Variants in AGRN observed in about 807,000 individuals in gnomAD.
AGRN encodes agrin proteoglycan.
Under a neutral mutation model 211.0 loss-of-function variants are expected in AGRN, and 106 were observed. The ratio of observed to expected loss-of-function variants is 0.50; its 90% CI spans 0.43 to 0.59. The LOEUF is 0.59. Among genes scored for constraint, AGRN ranks in the 20% least tolerant of loss-of-function variants. The pLI is 0.00. For missense variants in AGRN, 3,040 were observed against 2,982.6 expected, an observed-to-expected ratio of 1.02 and a Z score of -0.45; for synonymous variants, 1,525 against 1,332.5, an observed-to-expected ratio of 1.14 and a Z score of -3.15.
intron 2 of AGRN, among the ~76,000 whole-genome samples, chr1:1,028,522 C>T (rs1235244288): frequency 7.0e-6 from 1 of 142,586 alleles, no homozygotes; most frequent in Non-Finnish European, 1.6e-5. Flanking sequence ...GAACCGAGCC[C>T]CAGCCCCTCA....
At chr1:1,038,806 C>T (rs1400782424) in intron 3 of AGRN, among the ~76,000 whole-genome samples, 1 of 152,172 alleles carries the variant, frequency 6.6e-6, no homozygotes, top group Non-Finnish European at 1.5e-5. Context: ...ACTGGGAGTC[C>T]CAGGGCCTTG....
chr1:1,045,282 G>A lies in AGRN; in HGVS notation c.2371+5G>A. 6.2e-7 allele frequency: 1 copy of A among 1,611,866 alleles called. No homozygotes were observed. Among genetic ancestry groups the A allele is most frequent in the Non-Finnish European group, 8.5e-7 (1 of 1,179,578 alleles). On this transcript the variant is annotated splice_donor_5th_base_variant and intron_variant, in intron 13 of 35. Coordinates refer to ENST00000379370, the MANE Select transcript of AGRN (RefSeq NM_198576.4). ...TGGGCCTGGCTGGCTGCCCCAGTGA[G>A]TACCTGAGCTCAGCCCCGACCCCGG...
In AGRN at chr1:1,041,773, G is replaced by T. The variant is rs1435024596; in HGVS notation, c.1177+71G>T. The stretch of plus-strand genomic sequence containing the variant: ...AGGTGGGCGGCTCCCCCGGGGGAGG[G>T]CTCCGGCCAGTGCCAGGGTCGAGGT... On this transcript the variant is annotated intron_variant, in intron 6 of 35. Coordinates refer to ENST00000379370, the MANE Select transcript of AGRN (RefSeq NM_198576.4). 1.2e-3 allele frequency: 1,521 copies of T among 1,290,678 alleles called. 28 individuals are homozygous for T. The African/African-American group carries it at 0.019, about 16-fold the overall frequency. The allele number at this position is 1,290,678 out of a possible 1,614,324, so 80.0% of individuals were successfully genotyped here. A position where few individuals can be genotyped will look rare whatever the true frequency, so the allele number is the denominator to read the frequency against.
Position 1,045,290 on chromosome 1 carries a change from G to A in AGRN, c.2371+13G>A, listed in dbSNP as rs751961924. 11 of 1,611,810 alleles carry A rather than the reference G, an allele frequency of 6.8e-6. No individual in the cohort carries two copies. Among genetic ancestry groups the A allele is most frequent in the Non-Finnish European group, 8.5e-6 (10 of 1,179,646 alleles). On this transcript the variant is annotated intron_variant, in intron 13 of 35. Transcript: ENST00000379370. ...GCTGGCTGCCCCAGTGAGTACCTGA[G>A]CTCAGCCCCGACCCCGGGCCTGGTG...
At chr1:1,025,914 G>A (rs182563161) in intron 2 of AGRN, among the ~76,000 whole-genome samples, 1 of 152,308 alleles carries the variant, frequency 6.6e-6, no homozygotes, top group Admixed American at 6.5e-5. Context: ...GTCGGGGCTC[G>A]GTGCTTCCCG....
Position 1,020,261 on chromosome 1 carries a change from C to T in AGRN, c.89C>T (p.Thr30Ile), listed in dbSNP as rs1644366142. 1.4e-6 allele frequency: 2 copies of T among 1,464,390 alleles called. No individual in the cohort carries two copies. The highest frequency in any genetic ancestry group is 1.3e-5 in the South Asian group (1 of 76,648). 90.7% of individuals were successfully genotyped at this position (1,464,390 alleles called of 1,614,324 possible). A position where few individuals can be genotyped will look rare whatever the true frequency, so the allele number is the denominator to read the frequency against. ...TGCGTCCTGCCCGGAGCCGGCGGGA[C>T]ATGCCCGGAGCGCGCGCTGGAGCGG... Reference protein sequence around the residue: ...AACVLPGAGGTCPERALERRE... With the variant: ...AACVLPGAGGICPERALERRE... Residue 30 changes from threonine (T) to isoleucine (I), a missense_variant, in exon 1 of 36, where the codon ACA (threonine) becomes ATA (isoleucine). Physicochemically the swap from Thr to Ile is moderately conservative, Grantham distance 89 (BLOSUM62 -1). Coordinates refer to ENST00000379370, the MANE Select transcript of AGRN (RefSeq NM_198576.4).
rs759626018 is a variant in AGRN, at chr1:1,046,273, C to A, written c.2911+8C>A. 32 of 1,613,060 alleles carry A rather than the reference C, an allele frequency of 2.0e-5. No homozygotes were observed. The highest frequency in any genetic ancestry group is 2.5e-5 in the Non-Finnish European group (30 of 1,179,982). ...GCCTGGGCCCGTGCCAGGGTGAGGC[C>A]TGACGGCCACTGCCCCAGAACTGAC... On this transcript the variant is annotated splice_region_variant and intron_variant, in intron 17 of 35. Transcript: ENST00000379370.
At chr1:1,054,701 C>G in intron 35 of AGRN, 123 bp from the exon 36 acceptor site, 1 of 1,488,048 alleles carries the variant, frequency 6.7e-7, no homozygotes, top group Non-Finnish European at 9.1e-7. Flanking sequence ...CCTGCAGTTC[C>G]CAGTGCTGTG....
intron 3 of AGRN, among the ~76,000 whole-genome samples, chr1:1,039,504 C>G (rs778158473): frequency 6.6e-6 from 1 of 151,764 alleles, no homozygotes; most frequent in Admixed American, 6.5e-5. Flanking sequence ...GATAATTGGA[C>G]CCAATTAAAC....
intron 33 of AGRN, chr1:1,053,391 T>C: frequency 1.6e-6 from 2 of 1,267,986 alleles, no homozygotes; most frequent in South Asian, 2.8e-5. Context: ...CACCCCACAG[T>C]GTTGAGATGG....
Position 1,043,885 on chromosome 1 carries a change from C to T in AGRN, c.1861C>T (p.Pro621Ser), listed in dbSNP as rs766495676. 1.9e-6 allele frequency: 3 copies of T among 1,611,370 alleles called. No individual in the cohort carries two copies. The highest frequency in any genetic ancestry group is 2.2e-5 in the East Asian group (1 of 44,870). Residue 621 changes from proline to serine, a missense_variant, in exon 10 of 36, where the codon CCC becomes TCC. Coordinates refer to ENST00000379370, the MANE Select transcript of AGRN (RefSeq NM_198576.4). Reference protein sequence around the residue: ...AVCSAGQCVCPRCEHPPPGPV... With the variant: ...AVCSAGQCVCSRCEHPPPGPV... ...GTGCTCCGCAGGGCAGTGTGTGTGT[C>T]CCCGGTGTGAGCACCCCCCGCCCGG...
rs369468217 is a variant in AGRN at position 1,048,489 on chromosome 1, G to T, written c.4105+124G>T. On this transcript the variant is annotated intron_variant, in intron 23 of 35. Transcript: ENST00000379370. This position sits in a 1 kb window ranked among gnomAD's most constrained non-coding sequence, Gnocchi z 5.9. ...GGAGCCCGGATTAAGGCGGGGTTTC[G>T]GCCAGATGCGGTGGCTCACGCCTGT... is the stretch of plus-strand genomic sequence containing the variant. The T allele has an allele frequency of 9.3e-6, 8 of 859,128 alleles. No individual in the cohort carries two copies. In the East Asian group the frequency reaches 1.9e-4, roughly 21 times the overall value. 53.2% of individuals were successfully genotyped at this position (859,128 alleles called of 1,614,324 possible). A position where few individuals can be genotyped will look rare whatever the true frequency, so the allele number is the denominator to read the frequency against.
At chr1:1,043,212 A>T (rs780795380) in intron 7 of AGRN, 27 bp from the exon 8 acceptor site, 1 of 1,542,618 alleles carries the variant, frequency 6.5e-7, no homozygotes, top group Non-Finnish European at 8.7e-7. Flanking sequence ...GGCTTGTGGG[A>T]CCACTGAGCC....
At chr1:1,023,680 G>A (rs991142915) in intron 2 of AGRN, among the ~76,000 whole-genome samples, 24 of 152,306 alleles carry the variant, frequency 1.6e-4, no homozygotes, top group African/African-American at 5.5e-4. Flanking sequence ...GGTCCAGCCC[G>A]AGAGTCCGTG....
chr1:1,035,117 C>T, intron 2 of AGRN, 160 bp from the exon 3 acceptor site: 2 of 810,656 alleles, frequency 2.5e-6, no homozygotes, highest in Non-Finnish European at 4.1e-6. Context: ...CTCAGCCAGC[C>T]CATGGGGTCA....
intron 20 of AGRN, 32 bp downstream of exon 20, chr1:1,047,486 C>T: frequency 1.2e-6 from 2 of 1,612,820 alleles, no homozygotes; most frequent in Non-Finnish European, 1.7e-6. Flanking sequence ...CACCTACCCA[C>T]TGGCCTTCCT....
chr1:1,038,558 TGAG>T (rs1644854667), intron 3 of AGRN, among the ~76,000 whole-genome samples: 1 of 152,136 alleles, frequency 6.6e-6, no homozygotes, highest in Non-Finnish European at 1.5e-5. Context: ...TCCTGGTGGA[TGAG>T]GAGCATGCCC....
chr1:1,048,578 C>G lies in AGRN; in HGVS notation c.4105+213C>G. On this transcript the variant is annotated intron_variant, in intron 23 of 35. Coordinates refer to ENST00000379370, the MANE Select transcript of AGRN (RefSeq NM_198576.4). This position sits in a 1 kb window ranked among gnomAD's most constrained non-coding sequence, Gnocchi z 5.9. ...CTGAGGTCGGGAGTTCGAGACCAGC[C>G]TGACCAACATGGAGACACTCTGTCT... 6 of 594,244 alleles carry G rather than the reference C, an allele frequency of 1.0e-5. No individual in the cohort carries two copies. The highest frequency in any genetic ancestry group is 1.4e-5 in the Non-Finnish European group (5 of 344,926). 36.8% of individuals were successfully genotyped at this position (594,244 alleles called of 1,614,324 possible).
In AGRN at chr1:1,055,093, C is replaced by G; in HGVS notation, c.*112C>G. ...TTGGCCGGAGGGACTGCTGGCCCGG[C>G]CTCCCTTCCGTCCAGGCAGCCGTGC... is the stretch of plus-strand genomic sequence containing the variant. On this transcript the variant is annotated 3_prime_UTR_variant, in exon 36 of 36. Transcript: ENST00000379370. 6.8e-7 allele frequency: 1 copy of G among 1,481,474 alleles called. No individual in the cohort carries two copies. Among genetic ancestry groups the G allele is most frequent in the South Asian group, 1.2e-5 (1 of 81,980 alleles). 91.8% of individuals were successfully genotyped at this position (1,481,474 alleles called of 1,614,324 possible). A position where few individuals can be genotyped will look rare whatever the true frequency, so the allele number is the denominator to read the frequency against.
Sources: gnomAD v4.1 joint callset for allele counts (sites outside exome capture counted in the v4.1 genomes callset) on GRCh38, gnomAD v4.1.1 for gene constraint, Gnocchi (gnomAD v3.1) non-coding constraint, MANE v1.5 for transcripts, NCBI Gene and HGNC (gene_info 2026-07-23, HGNC 2026-07-21) for gene names.